Variants in SPPL2B observed in about 807,000 individuals in gnomAD.
The protein encoded by SPPL2B is signal peptide peptidase-like 2B.
SPPL2B carries 39 observed loss-of-function variants against 59.7 expected under a neutral mutation model. That is an observed-to-expected ratio of 0.65 (90% CI 0.51 to 0.85). SPPL2B has a LOEUF of 0.85. Ranked by LOEUF, SPPL2B falls within the 40% of genes least tolerant of loss-of-function variation. The pLI is 0.00. For synonymous variants in SPPL2B, 419 were observed against 370.8 expected, an observed-to-expected ratio of 1.13 and a Z score of -1.49; for missense variants, 865 against 849.0, an observed-to-expected ratio of 1.02 and a Z score of -0.23.
At chr19:2,340,427 C>A in intron 7 of SPPL2B, 1 of 635,572 alleles carries the variant, frequency 1.6e-6, no homozygotes, top group Non-Finnish European at 2.8e-6. Flanking sequence ...TGCCCCAGGT[C>A]GCAGGCCGAA....
At chr19:2,334,750 C>A (rs372861092) in intron 2 of SPPL2B, 29 bp downstream of exon 2, 3 of 1,519,822 alleles carry the variant, frequency 2.0e-6, no homozygotes, top group African/African-American at 1.4e-5. Flanking sequence ...GGCGCCGCTG[C>A]GGAGGAGAAT....
chr19:2,331,925 T>C (rs1968311579), intron 1 of SPPL2B, among the ~76,000 whole-genome samples: 4 of 152,238 alleles, frequency 2.6e-5, no homozygotes, highest in Admixed American at 2.6e-4. Flanking sequence ...TGGGCCGGAC[T>C]GTGGATTCTT....
chr19:2,351,654 T>TA (rs776720859), intron 14 of SPPL2B, 60 bp downstream of exon 14: 1 of 1,552,182 alleles, frequency 6.4e-7, no homozygotes, highest in South Asian at 1.2e-5. Flanking sequence ...TAACTAGAGT[T>TA]AAAGTTGAGT....
chr19:2,340,767 G>C (rs966502206), intron 7 of SPPL2B, 131 bp from the exon 8 acceptor site: 1 of 611,082 alleles, frequency 1.6e-6, no homozygotes, highest in African/African-American at 1.9e-5. Flanking sequence ...GTGGGATGTG[G>C]AGTTTAATGA....
At chr19:2,352,898 C>T (rs2145215461) in intron 14 of SPPL2B, 48 bp from the exon 15 acceptor site, 1 of 1,604,588 alleles carries the variant, frequency 6.2e-7, no homozygotes, top group Middle Eastern at 1.7e-4. Context: ...CCAGGGTCCT[C>T]CTCTGGGTCC....
chr19:2,348,731 C>T (rs1197306988), intron 13 of SPPL2B, among the ~76,000 whole-genome samples: 13 of 142,370 alleles, frequency 9.1e-5, no homozygotes, highest in African/African-American at 3.4e-4. Flanking sequence ...CGCTCTCATT[C>T]GCTTGATTCC....
chr19:2,335,980 C>A (rs1968579279), intron 2 of SPPL2B, among the ~76,000 whole-genome samples: 1 of 152,004 alleles, frequency 6.6e-6, no homozygotes, highest in African/African-American at 2.4e-5. Flanking sequence ...TGTGTGAACA[C>A]ATAGGTGTGT....
intron 6 of SPPL2B, 33 bp from the exon 7 acceptor site, chr19:2,340,043 C>T: frequency 6.4e-7 from 1 of 1,572,182 alleles, no homozygotes. Context: ...GCGTGCGGGC[C>T]TGGCCCCCGG....
intron 2 of SPPL2B, among the ~76,000 whole-genome samples, chr19:2,336,195 G>T (rs1476694118): frequency 6.6e-6 from 1 of 152,052 alleles, no homozygotes; most frequent in Admixed American, 6.5e-5. Context: ...ATGTGCATGG[G>T]TCTGAATGTG....
chr19:2,336,638 TGTGTGC>T (rs1043192379), intron 2 of SPPL2B, among the ~76,000 whole-genome samples: 1 of 151,502 alleles, frequency 6.6e-6, no homozygotes, highest in African/African-American at 2.4e-5. Flanking sequence ...GGCCTGGCTG[TGTGTGC>T]GTGTGTGTGT....
At chr19:2,334,521 C>G in intron 1 of SPPL2B, 81 bp from the exon 2 acceptor site, 4 of 1,511,830 alleles carry the variant, frequency 2.6e-6, no homozygotes, top group Non-Finnish European at 3.5e-6. Flanking sequence ...GCGTCCTCCC[C>G]TCCTCGGGCC....
chr19:2,335,275 T>C (rs1285177212), intron 2 of SPPL2B, among the ~76,000 whole-genome samples: 1 of 143,852 alleles, frequency 7.0e-6, no homozygotes, highest in Non-Finnish European at 1.5e-5. Flanking sequence ...CCCGCCTCCT[T>C]TCCCACTGCA....
At chr19:2,349,780 C>A (rs1969780731) in intron 13 of SPPL2B, among the ~76,000 whole-genome samples, 1 of 130,634 alleles carries the variant, frequency 7.7e-6, no homozygotes. Flanking sequence ...TGATTCCGTT[C>A]TCTCTCCACA....
In SPPL2B at chr19:2,344,418, T is replaced by C. The variant is rs1366250173; in HGVS notation, c.1170T>C (p.Arg390=). Residue 390 remains arginine (R), a synonymous_variant, in exon 11 of 15, where the codon CGT becomes CGC. Transcript: ENST00000613503. Reference sequence around the variant, plus strand: ...CTGGGCCCTCGGACTCAGCCACCCGTGAGAAGGTGTGTCTTCTGACTGCAG... The same window carrying C: ...CTGGGCCCTCGGACTCAGCCACCCGCGAGAAGGTGTGTCTTCTGACTGCAG... ...VATGPSDSAT[R]EKLPMVLKVP... 6.5e-7 allele frequency: 1 copy of C among 1,541,920 alleles called. No homozygotes were observed.
chr19:2,346,043 C>T (rs1969350482), intron 13 of SPPL2B, among the ~76,000 whole-genome samples: 1 of 152,136 alleles, frequency 6.6e-6, no homozygotes, highest in Non-Finnish European at 1.5e-5. Flanking sequence ...TCTTCTTTGC[C>T]TTGTCTTCTA....
intron 8 of SPPL2B, 151 bp downstream of exon 8, chr19:2,341,165 C>T (rs1035148392): frequency 7.0e-6 from 5 of 712,772 alleles, no homozygotes; most frequent in Non-Finnish European, 1.3e-5. Flanking sequence ...CCCCGGGCTG[C>T]TCTGACAGGG....
intron 2 of SPPL2B, among the ~76,000 whole-genome samples, chr19:2,336,783 C>G (rs144217288): frequency 6.8e-6 from 1 of 147,338 alleles, no homozygotes; most frequent in East Asian, 2.0e-4. Context: ...GCACTCCAGC[C>G]TGGCTGTGGG....
chr19:2,337,015 C>CGT (rs879485717), intron 2 of SPPL2B: 5 of 164,610 alleles, frequency 3.0e-5, no homozygotes, highest in South Asian at 3.0e-4. Context: ...TGTGCGTGTG[C>CGT]GTGTGTGTGT....
rs11671 is a variant in SPPL2B at position 2,354,789 on chromosome 19, C to G, written c.*1580C>G. ...TGCCATTCCGTCTGATCATTAAACA[C>G]AGCTTTTGATACATATGGCCCGGCC... On this transcript the variant is annotated 3_prime_UTR_variant, in exon 15 of 15. Transcript: ENST00000613503. 73,091 of 152,288 alleles carry G rather than the reference C, an allele frequency of 0.48. 20,058 individuals carry two copies. The highest frequency in any genetic ancestry group is 0.62 in the Non-Finnish European group (41,916 of 68,074). 9.4% of individuals were successfully genotyped at this position (152,288 alleles called of 1,614,324 possible). A position where few individuals can be genotyped will look rare whatever the true frequency, so the allele number is the denominator to read the frequency against.
Sources: gnomAD v4.1 joint callset for allele counts (sites outside exome capture counted in the v4.1 genomes callset) on GRCh38, gnomAD v4.1.1 for gene constraint, MANE v1.5 for transcripts, NCBI Gene and HGNC (gene_info 2026-07-23, HGNC 2026-07-21) for gene names.